VDAC2: variants seen among roughly 807,000 people sequenced by gnomAD.
The protein encoded by VDAC2 is voltage dependent anion channel 2, also known as non-selective voltage-gated ion channel VDAC2.
Under a neutral mutation model 36.6 loss-of-function variants are expected in VDAC2, and 6 were observed. The ratio of observed to expected loss-of-function variants is 0.16; its 90% CI spans 0.09 to 0.32. VDAC2 has a LOEUF of 0.32. VDAC2 is among the 10% of genes least tolerant of loss of function. The pLI, the probability that VDAC2 is intolerant of heterozygous loss-of-function variation, is 1.00. For missense variants in VDAC2, 247 were observed against 346.0 expected, an observed-to-expected ratio of 0.71 and a Z score of 2.27; for synonymous variants, 109 against 123.8, an observed-to-expected ratio of 0.88 and a Z score of 0.79.
intron 8 of VDAC2, among the ~76,000 whole-genome samples, chr10:75,227,057 TG>T (rs1841975381): frequency 6.6e-6 from 1 of 152,006 alleles, no homozygotes; most frequent in Admixed American, 6.6e-5. Context: ...CATGGGAGGG[TG>T]GGGCACCCCA....
chr10:75,221,220 A>G (rs558427416), intron 7 of VDAC2, among the ~76,000 whole-genome samples: 1 of 152,310 alleles, frequency 6.6e-6, no homozygotes, highest in East Asian at 1.9e-4. Context: ...TACAAGAGGC[A>G]TTATATATTG....
At chr10:75,224,489 T>A (rs779414678) in intron 8 of VDAC2, among the ~76,000 whole-genome samples, 18 of 152,110 alleles carry the variant, frequency 1.2e-4, no homozygotes, top group Non-Finnish European at 2.1e-4. Context: ...GGTGGTCAGA[T>A]GGTCACCCCT....
chr10:75,226,451 GTT>G lies in VDAC2; in HGVS notation c.736-3171_736-3170del, dbSNP rs147954706. Among the ~76,000 whole-genome samples, 324 of 100,882 alleles carry G rather than the reference GTT, an allele frequency of 3.2e-3. 1 individual carries two copies. Among genetic ancestry groups the G allele is most frequent in the East Asian group, 9.0e-3 (27 of 3,014 alleles). 66.2% of individuals were successfully genotyped at this position (100,882 alleles called of 152,430 possible). A position where few individuals can be genotyped will look rare whatever the true frequency, so the allele number is the denominator to read the frequency against. ...AAAAGTGAAAGACAGTCTTTTGTGG[GTT>G]TTTTTTTTTTTTTTTTTTTTTAATG... On this transcript the variant is annotated intron_variant, in intron 8 of 9. Transcript: ENST00000332211.
intron 4 of VDAC2, among the ~76,000 whole-genome samples, chr10:75,217,113 T>G (rs1397755576): frequency 6.6e-6 from 1 of 152,018 alleles, no homozygotes; most frequent in Non-Finnish European, 1.5e-5. Context: ...AAAAATTAGC[T>G]GTGCTTGTTG....
chr10:75,211,778 C>T, intron 2 of VDAC2: 2 of 1,286,018 alleles, frequency 1.6e-6, no homozygotes, highest in South Asian at 2.7e-5. Flanking sequence ...TCTTCCCACT[C>T]CAGGGTGTTG....
intron 7 of VDAC2, 69 bp downstream of exon 7, chr10:75,221,039 A>G: frequency 2.0e-6 from 3 of 1,464,702 alleles, no homozygotes; most frequent in Non-Finnish European, 2.8e-6. Context: ...CTGTCATCTT[A>G]TTGATCTGGG....
At chr10:75,221,660 G>GAT (rs1564713492) in intron 7 of VDAC2, among the ~76,000 whole-genome samples, 1 of 152,074 alleles carries the variant, frequency 6.6e-6, no homozygotes, top group Admixed American at 6.6e-5. Flanking sequence ...TTTTTGTAGA[G>GAT]ATGGGGTCTT....
chr10:75,213,712 CCAGCCTGGGCAA>C (rs1326723776), intron 3 of VDAC2, among the ~76,000 whole-genome samples: 9 of 152,120 alleles, frequency 5.9e-5, no homozygotes, highest in African/African-American at 2.2e-4. Flanking sequence ...CCACTGCACT[CCAGCCTGGGCAA>C]CAGAGTGAGA....
At chr10:75,230,795 A>T in intron 9 of VDAC2, 103 bp from the exon 10 acceptor site, 1 of 933,706 alleles carries the variant, frequency 1.1e-6, no homozygotes, top group South Asian at 1.8e-5. Context: ...AGGCTGAGGA[A>T]GTGACAGGCA....
intron 8 of VDAC2, among the ~76,000 whole-genome samples, chr10:75,226,333 C>G (rs373739748): frequency 4.6e-5 from 7 of 152,088 alleles, no homozygotes; most frequent in African/African-American, 1.7e-4. Flanking sequence ...TTCTATAACC[C>G]TTGCAATTTC....
At chr10:75,212,342 T>G (rs1452652397) in intron 3 of VDAC2, 44 bp downstream of exon 3, 8 of 1,546,218 alleles carry the variant, frequency 5.2e-6, no homozygotes, top group Admixed American at 1.8e-5. Flanking sequence ...AGAGTGAAAA[T>G]GTATGTTTGG....
At chr10:75,210,391 C>CG (rs958791222), upstream of VDAC2, among the ~76,000 whole-genome samples, 1 of 152,104 alleles carries the variant, frequency 6.6e-6, no homozygotes, top group African/African-American at 2.4e-5. Context: ...GGCTTTGTTT[C>CG]GGGGGGGAAC....
At chr10:75,212,161 A>G in intron 2 of VDAC2, 69 bp from the exon 3 acceptor site, 1 of 1,385,476 alleles carries the variant, frequency 7.2e-7, no homozygotes. Context: ...GCAGTGGGTC[A>G]TGCTCTTGTT....
In VDAC2 at chr10:75,231,345, A is replaced by G. The variant is rs75096837; in HGVS notation, c.*356A>G. The G allele has an allele frequency of 0.021, 3,412 of 164,880 alleles. 138 individuals are homozygous for G. The highest frequency in any genetic ancestry group is 0.077 in the African/African-American group (3,218 of 41,886). 10.2% of individuals were successfully genotyped at this position (164,880 alleles called of 1,614,324 possible). A position where few individuals can be genotyped will look rare whatever the true frequency, so the allele number is the denominator to read the frequency against. ...TGACTGTTACCATTGAATGAGATGG[A>G]TCAGTGGATATTAAGATGAGGTTAC... On this transcript the variant is annotated 3_prime_UTR_variant, in exon 10 of 10. Transcript: ENST00000332211.
intron 9 of VDAC2, among the ~76,000 whole-genome samples, chr10:75,230,164 A>G (rs150982887): frequency 2.4e-4 from 37 of 152,280 alleles, no homozygotes; most frequent in African/African-American, 8.7e-4. Context: ...CAGAGTGCAC[A>G]TGACTCATCT....
chr10:75,229,557 C>A, intron 8 of VDAC2, 87 bp from the exon 9 acceptor site: 1 of 1,080,672 alleles, frequency 9.3e-7, no homozygotes, highest in Non-Finnish European at 1.4e-6. Context: ...AAACTGAACA[C>A]TTCATGATTA....
At chr10:75,221,086 A>G in intron 7 of VDAC2, 116 bp downstream of exon 7, 1 of 1,119,352 alleles carries the variant, frequency 8.9e-7, no homozygotes, top group Non-Finnish European at 1.3e-6. Flanking sequence ...TTTAAAAACA[A>G]AATCATTCTT....
chr10:75,215,442 C>T (rs1030408511), intron 4 of VDAC2, among the ~76,000 whole-genome samples: 13 of 151,074 alleles, frequency 8.6e-5, no homozygotes, highest in African/African-American at 2.9e-4. Context: ...AGCTCCACCT[C>T]CCAGGTTCAT....
chr10:75,210,995 G>A (rs757722349), intron 1 of VDAC2, 57 bp downstream of exon 1: 4 of 771,638 alleles, frequency 5.2e-6, no homozygotes, highest in African/African-American at 1.9e-5. Flanking sequence ...CGGCCAAGCC[G>A]GAGGCCCGCG....
Sources: allele counts gnomAD v4.1 joint callset (sites outside exome capture counted in the v4.1 genomes callset), GRCh38; gene constraint gnomAD v4.1.1; transcripts MANE v1.5; gene names NCBI Gene and HGNC (gene_info 2026-07-23, HGNC 2026-07-21).